THSD7B: variants seen among roughly 807,000 people sequenced by gnomAD.
The protein encoded by THSD7B is thrombospondin type 1 domain containing 7B.
Under a neutral mutation model 213.6 loss-of-function variants are expected in THSD7B, and 138 were observed. The ratio of observed to expected loss-of-function variants is 0.65; its 90% CI spans 0.56 to 0.74. THSD7B has a LOEUF of 0.74. Ranked by LOEUF, THSD7B falls within the 30% of genes least tolerant of loss-of-function variation. The pLI is 0.00. For synonymous variants in THSD7B, 742 were observed against 687.0 expected (o/e 1.08, Z -1.25); for missense variants, 1,931 against 1,991.5 (o/e 0.97, Z 0.58).
chr2:137,008,013 G>C (rs574579034), intron 2 of THSD7B, among the ~76,000 whole-genome samples: 5 of 152,202 alleles, frequency 3.3e-5, no homozygotes, highest in Non-Finnish European at 7.4e-5. Flanking sequence ...CAGCTATCCA[G>C]ATAAATTTGA....
rs1416691331 is a variant in THSD7B at position 137,546,408 on chromosome 2, A to ATATATAT, written c.3139-16805_3139-16799dup. On this transcript the variant is annotated intron_variant, in intron 15 of 27. Transcript: ENST00000409968. ...ATATTATATATATTATATATATTAT[A>ATATATAT]TATATATTATATATATTATATATAT... Among the ~76,000 whole-genome samples, 11 of 31,872 alleles carry ATATATAT rather than the reference A, an allele frequency of 3.5e-4. 2 individuals are homozygous for ATATATAT. The highest frequency in any genetic ancestry group is 7.8e-4 in the African/African-American group (4 of 5,096). The allele number at this position is 31,872 out of a possible 152,430, so 20.9% of individuals were successfully genotyped here.
intron 7 of THSD7B, among the ~76,000 whole-genome samples, chr2:137,223,892 T>C (rs1377848629): frequency 3.3e-5 from 5 of 152,140 alleles, no homozygotes; most frequent in African/African-American, 1.2e-4. Flanking sequence ...AAGTGTGCAG[T>C]ATCCTCCCAC....
intron 5 of THSD7B, among the ~76,000 whole-genome samples, chr2:137,158,122 G>A (rs1679944740): frequency 6.6e-6 from 1 of 152,180 alleles, no homozygotes; most frequent in South Asian, 2.1e-4. Context: ...ACTCAAGAGT[G>A]CCTGATTTAG....
chr2:137,074,719 G>T (rs1392410480), intron 3 of THSD7B, among the ~76,000 whole-genome samples: 4 of 152,160 alleles, frequency 2.6e-5, no homozygotes, highest in Non-Finnish European at 5.9e-5. Flanking sequence ...TGCAGTGGCT[G>T]GTTCCGGTTG....
At chr2:136,848,239 G>C (rs1683041475) in intron 1 of THSD7B, among the ~76,000 whole-genome samples, 1 of 152,130 alleles carries the variant, frequency 6.6e-6, no homozygotes, top group Admixed American at 6.6e-5. Flanking sequence ...TGGAAGCTGT[G>C]AATTTACTAT....
chr2:137,201,901 C>T (rs1008642962), intron 7 of THSD7B, among the ~76,000 whole-genome samples: 1 of 152,142 alleles, frequency 6.6e-6, no homozygotes, highest in African/African-American at 2.4e-5. Context: ...TCTTTATCAG[C>T]CGTTTGTGTT....
chr2:137,310,920 G>A (rs1329315249), intron 12 of THSD7B, among the ~76,000 whole-genome samples: 3 of 151,974 alleles, frequency 2.0e-5, no homozygotes, highest in Non-Finnish European at 2.9e-5. Context: ...TTGTAGTATA[G>A]TTTGAAGTCA....
At chr2:136,851,749 C>A (rs530930372) in intron 1 of THSD7B, among the ~76,000 whole-genome samples, 5 of 151,982 alleles carry the variant, frequency 3.3e-5, no homozygotes, top group African/African-American at 1.2e-4. Context: ...AGTCTTGTAT[C>A]GTTACAGCCT....
At chr2:137,431,087 G>T (rs929722450) in intron 14 of THSD7B, among the ~76,000 whole-genome samples, 29 of 152,162 alleles carry the variant, frequency 1.9e-4, no homozygotes, top group African/African-American at 6.8e-4. Context: ...GCCCTCAGGA[G>T]ATTCTGAGAA....
Position 137,450,995 on chromosome 2 carries a change from C to G in THSD7B, c.3110C>G (p.Pro1037Arg), listed in dbSNP as rs967125415. The G allele has an allele frequency of 6.2e-7, 1 of 1,605,134 alleles. No individual in the cohort carries two copies. Among genetic ancestry groups the G allele is most frequent in the Non-Finnish European group, 8.5e-7 (1 of 1,175,426 alleles). The change falls in exon 15 of 28, where the codon CCA becomes CGA. Residue 1037 changes from proline to arginine, a missense_variant. Pro to Arg is a moderately radical substitution (Grantham distance 103, BLOSUM62 -2). Transcript: ENST00000409968. ...GAAAAACCTTACAATGGAGGACGAC[C>G]ATGTCCCAAACTGGATCTCAAGAAT... ...LKEKPYNGGR[P>R]CPKLDLKNQV...
chr2:137,574,656 T>C (rs1181461655), intron 17 of THSD7B, among the ~76,000 whole-genome samples: 2 of 152,134 alleles, frequency 1.3e-5, no homozygotes, highest in Non-Finnish European at 2.9e-5. Flanking sequence ...TACTTTCCCA[T>C]GTAAATGTAA....
At chr2:137,022,573 G>T (rs1038389787) in intron 2 of THSD7B, among the ~76,000 whole-genome samples, 1 of 151,786 alleles carries the variant, frequency 6.6e-6, no homozygotes, top group Non-Finnish European at 1.5e-5. Context: ...ATAACACATT[G>T]GAAGGATTAT....
At chr2:137,320,200 A>G (rs1247231058) in intron 12 of THSD7B, among the ~76,000 whole-genome samples, 2 of 152,214 alleles carry the variant, frequency 1.3e-5, no homozygotes, top group Non-Finnish European at 2.9e-5. Flanking sequence ...CATAGTAATC[A>G]TATTTAGCAT....
chr2:137,506,704 G>A lies in THSD7B; in HGVS notation c.3138+55681G>A, dbSNP rs563101867. ...TCTTCAGCACTCACTCTTTTACAGG[G>A]CTCTTTCAGGTTTTAGGATGACCTC... On this transcript the variant is annotated intron_variant, in intron 15 of 27. Transcript: ENST00000409968. Among the ~76,000 whole-genome samples, 3 of 152,280 alleles carry A rather than the reference G, an allele frequency of 2.0e-5. No homozygotes were observed. The East Asian group carries it at 5.8e-4, about 29-fold the overall frequency.
chr2:136,825,524 C>G (rs1682631270), intron 1 of THSD7B, among the ~76,000 whole-genome samples: 1 of 151,900 alleles, frequency 6.6e-6, no homozygotes, highest in Non-Finnish European at 1.5e-5. Flanking sequence ...TTCTTCTTTT[C>G]TCTCATCTTT....
chr2:136,885,054 G>A (rs1416156786), intron 2 of THSD7B, among the ~76,000 whole-genome samples: 1 of 152,108 alleles, frequency 6.6e-6, no homozygotes, highest in Non-Finnish European at 1.5e-5. Context: ...ACACTGTATT[G>A]CAGTTGAAAT....
Position 136,817,446 on chromosome 2 carries a change from G to A in THSD7B, c.-36+51759G>A, listed in dbSNP as rs1682492982. ...ACATGAAGTCCTTGCCCATGCCTATGTCCTGAATGGTAATGCCTAGGTTTT... is the reference window on the plus strand; with the variant it reads ...ACATGAAGTCCTTGCCCATGCCTATATCCTGAATGGTAATGCCTAGGTTTT... On this transcript the variant is annotated intron_variant, in intron 1 of 27. Transcript: ENST00000409968. 2.6e-5 allele frequency among the ~76,000 whole-genome samples: 4 copies of A among 151,464 alleles called. No homozygotes were observed. The South Asian group carries it at 8.4e-4, about 32-fold the overall frequency.
chr2:137,348,703 C>CTTTTTTTTTT (rs80150345), intron 12 of THSD7B, among the ~76,000 whole-genome samples: 32 of 110,906 alleles, frequency 2.9e-4, no homozygotes, highest in South Asian at 6.5e-4. Context: ...CTATGAACTC[C>CTTTTTTTTTT]TTTTTTTTTT....
intron 7 of THSD7B, among the ~76,000 whole-genome samples, chr2:137,198,726 T>C (rs1174325229): frequency 6.6e-6 from 1 of 152,208 alleles, no homozygotes; most frequent in East Asian, 1.9e-4. Context: ...TTCTGTGGAT[T>C]CTCATGAACT....
Sources: gnomAD v4.1 joint callset for allele counts (sites outside exome capture counted in the v4.1 genomes callset) on GRCh38, gnomAD v4.1.1 for gene constraint, MANE v1.5 for transcripts, NCBI Gene and HGNC (gene_info 2026-07-23, HGNC 2026-07-21) for gene names.